The following MYOM2 variants were observed in gnomAD, a reference collection of about 807,000 sequenced individuals.
The protein encoded by MYOM2 is myomesin-2.
MYOM2 carries 254 observed loss-of-function variants against 187.6 expected under a neutral mutation model. The ratio of observed to expected loss-of-function variants is 1.35; its 90% confidence interval spans 1.22 to 1.50. The LOEUF (loss-of-function observed/expected upper bound fraction) is 1.50, where lower values mean the gene tolerates loss of function less well. MYOM2 is among the 40% of genes most tolerant of loss of function. The pLI is 0.00. For synonymous variants in MYOM2, 981 were observed against 753.8 expected (o/e 1.30, Z -4.94); for missense variants, 2,796 against 1,924.0 (o/e 1.45, Z -8.48).
At chr8:2,107,306 G>C (rs1796927708) in intron 23 of MYOM2, among the ~76,000 whole-genome samples, 1 of 152,130 alleles carries the variant, frequency 6.6e-6, no homozygotes, top group South Asian at 2.1e-4. Flanking sequence ...GGGCTGGATG[G>C]TATCCTCAGA....
At chr8:2,132,530 C>T (rs1215862585) in intron 32 of MYOM2, among the ~76,000 whole-genome samples, 1 of 152,242 alleles carries the variant, frequency 6.6e-6, no homozygotes, top group East Asian at 1.9e-4. Context: ...AACATATTGA[C>T]CACTGAAGTC....
chr8:2,064,227 G>T (rs1818940647), intron 6 of MYOM2, among the ~76,000 whole-genome samples: 1 of 152,182 alleles, frequency 6.6e-6, no homozygotes, highest in Non-Finnish European at 1.5e-5. Flanking sequence ...GGCAGGGCAA[G>T]GGTGCCCTTA....
At chr8:2,127,395 T>C (rs948735791) in intron 31 of MYOM2, among the ~76,000 whole-genome samples, 1 of 152,188 alleles carries the variant, frequency 6.6e-6, no homozygotes, top group Non-Finnish European at 1.5e-5. Flanking sequence ...GCGCACTTTT[T>C]GGCTTTCTTA....
At chr8:2,120,695 T>TATAA (rs1797419199) in intron 28 of MYOM2, among the ~76,000 whole-genome samples, 2 of 100,174 alleles carry the variant, frequency 2.0e-5, no homozygotes, top group South Asian at 2.9e-4. Context: ...TATAAATATA[T>TATAA]AATATATATA....
Position 2,109,516 on chromosome 8 carries a change from A to C in MYOM2, c.3165A>C (p.Glu1055Asp). 1 of 1,611,396 alleles carries C rather than the reference A, an allele frequency of 6.2e-7. No homozygotes were observed. The highest frequency in any genetic ancestry group is 1.1e-5 in the South Asian group (1 of 90,714). ...ACCGATTTATTATTAACGACAGAGAAGTCTCTGACAGCGAGGTGAGTTCCT... is the reference window on the plus strand; with the variant it reads ...ACCGATTTATTATTAACGACAGAGACGTCTCTGACAGCGAGGTGAGTTCCT... ...ASYRFIINDR[E>D]VSDSEIHRIK... Residue 1055 changes from glutamate to aspartate, a missense_variant, in exon 25 of 37, where the codon GAA (glutamate) becomes GAC (aspartate). By Grantham distance (45) the Glu-to-Asp change is conservative (BLOSUM62 2). Coordinates refer to ENST00000262113, the MANE Select transcript of MYOM2 (RefSeq NM_003970.4).
chr8:2,140,714 CT>C lies in MYOM2; in HGVS notation c.3801-5del. On this transcript the variant is annotated splice_region_variant and splice_polypyrimidine_tract_variant and intron_variant, in intron 32 of 36. Coordinates refer to ENST00000262113, the MANE Select transcript of MYOM2 (RefSeq NM_003970.4). ...CTAACTCAGATACGTTCCTGTTGCT[CT>C]TTTCAAGAGATGCTAAGATCTCATC... 1 of 1,613,110 alleles carries C rather than the reference CT, an allele frequency of 6.2e-7. No homozygotes were observed. Among genetic ancestry groups the C allele is most frequent in the Non-Finnish European group, 8.5e-7 (1 of 1,179,428 alleles).
chr8:2,129,920 T>C (rs954717207), intron 32 of MYOM2, among the ~76,000 whole-genome samples: 2 of 152,174 alleles, frequency 1.3e-5, no homozygotes, highest in African/African-American at 4.8e-5. Flanking sequence ...CCTATAGATA[T>C]CACCGCAGAT....
At chr8:2,094,943 G>T (rs1355558108) in intron 17 of MYOM2, among the ~76,000 whole-genome samples, 1 of 152,118 alleles carries the variant, frequency 6.6e-6, no homozygotes, top group East Asian at 1.9e-4. Context: ...CTCATGAAAT[G>T]CACCTCAGGA....
rs1796053219 is a variant in MYOM2 at position 2,086,385 on chromosome 8, C to CA, written c.1644+995_1644+996insA. Among the ~76,000 whole-genome samples the CA allele has an allele frequency of 4.3e-5, 5 of 116,524 alleles. 1 individual carries two copies. Among genetic ancestry groups the CA allele is most frequent in the African/African-American group, 1.3e-4 (3 of 23,450 alleles). The allele number at this position is 116,524 out of a possible 152,430, so 76.4% of individuals were successfully genotyped here. A position where few individuals can be genotyped will look rare whatever the true frequency, so the allele number is the denominator to read the frequency against. On this transcript the variant is annotated intron_variant, in intron 14 of 36. Coordinates refer to ENST00000262113, the MANE Select transcript of MYOM2 (RefSeq NM_003970.4). ...TCCCACTGTTGTGATCTCTGCGTGG[C>CA]CTCCCACTGTTGTGATCTCTGCGTG... is the stretch of plus-strand genomic sequence containing the variant.
chr8:2,072,904 TG>T (rs1819284065), intron 9 of MYOM2, among the ~76,000 whole-genome samples: 1 of 152,252 alleles, frequency 6.6e-6, no homozygotes, highest in Non-Finnish European at 1.5e-5. Context: ...CCAGTCATTT[TG>T]TTTTTAGAGT....
At chr8:2,116,193 A>AT (rs35260587) in intron 26 of MYOM2, 23 bp from the exon 27 acceptor site, 13 of 1,596,424 alleles carry the variant, frequency 8.1e-6, no homozygotes, top group Admixed American at 1.7e-5. Flanking sequence ...TTTCATATAT[A>AT]TTTTTTTAAA....
intron 10 of MYOM2, among the ~76,000 whole-genome samples, chr8:2,074,327 T>C (rs1306306594): frequency 6.6e-6 from 1 of 152,152 alleles, no homozygotes; most frequent in East Asian, 1.9e-4. Flanking sequence ...GAGAAATGTC[T>C]CTAGGGTAGA....
chr8:2,073,953 A>C (rs1819326609), intron 10 of MYOM2, among the ~76,000 whole-genome samples: 1 of 152,140 alleles, frequency 6.6e-6, no homozygotes, highest in Admixed American at 6.5e-5. Flanking sequence ...GATGACAGCC[A>C]GTGCTGTGAC....
intron 18 of MYOM2, among the ~76,000 whole-genome samples, chr8:2,098,325 A>G (rs1796565481): frequency 6.6e-6 from 1 of 152,128 alleles, no homozygotes; most frequent in Non-Finnish European, 1.5e-5. Flanking sequence ...AGCGTCCCTG[A>G]GGGCCCGGTG....
rs139858301 is a variant in MYOM2 at position 2,137,727 on chromosome 8, G to T, written c.3801-2996G>T. 9.8e-3 allele frequency among the ~76,000 whole-genome samples: 1,488 copies of T among 152,162 alleles called. 37 individuals carry two copies. Among genetic ancestry groups the T allele is most frequent in the African/African-American group, 0.034 (1,428 of 41,492 alleles). On this transcript the variant is annotated intron_variant, in intron 32 of 36. Coordinates refer to ENST00000262113, the MANE Select transcript of MYOM2 (RefSeq NM_003970.4). Reference sequence around the variant, plus strand: ...TGTGGAACCCTGTTTCCTTGGATGGGGTACATTTAGTCAATAAACGATTAC... The same window carrying T: ...TGTGGAACCCTGTTTCCTTGGATGGTGTACATTTAGTCAATAAACGATTAC...
chr8:2,096,210 A>G (rs1309937141), intron 17 of MYOM2, 37 bp from the exon 18 acceptor site: 3 of 1,590,870 alleles, frequency 1.9e-6, no homozygotes, highest in Non-Finnish European at 2.6e-6. Context: ...CCCCCAGCTG[A>G]GGCCCTCGGT....
chr8:2,095,416 T>C (rs763040318), intron 17 of MYOM2, among the ~76,000 whole-genome samples: 1 of 151,928 alleles, frequency 6.6e-6, no homozygotes, highest in Non-Finnish European at 1.5e-5. Context: ...CTCAGCCTCC[T>C]GATTAGCTAG....
At chr8:2,112,718 A>C (rs1404189751) in intron 25 of MYOM2, among the ~76,000 whole-genome samples, 1 of 152,350 alleles carries the variant, frequency 6.6e-6, no homozygotes, top group Non-Finnish European at 1.5e-5. Flanking sequence ...GGCATTTGCA[A>C]TATCAAAACA....
intron 31 of MYOM2, among the ~76,000 whole-genome samples, chr8:2,126,370 A>T (rs987897243): frequency 7.8e-6 from 1 of 127,862 alleles, no homozygotes; most frequent in Admixed American, 8.1e-5. Flanking sequence ...ACACCCACAC[A>T]CTCACATCCC....
Sources: gnomAD v4.1 joint callset for allele counts (sites outside exome capture counted in the v4.1 genomes callset) on GRCh38, gnomAD v4.1.1 for gene constraint, MANE v1.5 for transcripts, NCBI Gene and HGNC (gene_info 2026-07-23, HGNC 2026-07-21) for gene names.